Variants in ARHGAP24 observed in about 807,000 individuals in gnomAD.
ARHGAP24 encodes the protein rho GTPase-activating protein 24.
In ARHGAP24, 50 loss-of-function variants were observed where a neutral mutation model predicts 76.4. That is an observed-to-expected ratio of 0.65 (90% CI 0.52 to 0.83). ARHGAP24 has a LOEUF of 0.83. ARHGAP24 is among the 40% of genes least tolerant of loss of function. The probability of loss-of-function intolerance (pLI) is 0.00; values close to 1 mark genes in which losing one functional copy is unlikely to be tolerated. For synonymous variants in ARHGAP24, 345 were observed against 323.3 expected (o/e 1.07, Z -0.72); for missense variants, 930 against 914.2 (o/e 1.02, Z -0.22).
chr4:85,643,636 T>C (rs893284789), intron 2 of ARHGAP24, among the ~76,000 whole-genome samples: 3 of 152,184 alleles, frequency 2.0e-5, no homozygotes, highest in African/African-American at 7.2e-5. Flanking sequence ...TATTATTTAC[T>C]ATTTCTCCCA....
At chr4:85,751,390 T>A (rs972075214) in intron 3 of ARHGAP24, among the ~76,000 whole-genome samples, 1 of 152,174 alleles carries the variant, frequency 6.6e-6, no homozygotes, top group African/African-American at 2.4e-5. Flanking sequence ...TATGTTGACA[T>A]GCTAGCTGAC....
chr4:85,665,804 G>A lies in ARHGAP24; in HGVS notation c.181-56081G>A, dbSNP rs373704862. 2.6e-5 allele frequency among the ~76,000 whole-genome samples: 4 copies of A among 152,008 alleles called. No individual in the cohort carries two copies. In the East Asian group the frequency reaches 5.8e-4, roughly 22 times the overall value. ...TAGTTTGGCTGGATATGAAATTCTG[G>A]GTTGAAAATTCTTTTCTTTAAGAAT... On this transcript the variant is annotated intron_variant, in intron 2 of 9. Transcript: ENST00000395184.
Position 85,592,883 on chromosome 4 carries a change from T to C in ARHGAP24, c.180+22162T>C, listed in dbSNP as rs118031217. On this transcript the variant is annotated intron_variant, in intron 2 of 9. Transcript: ENST00000395184. ...ACCACATTTTCTTTATCTATTCAAC[T>C]GTTGATGGGCACTTAGGTTCCTTCC... 8.5e-5 allele frequency among the ~76,000 whole-genome samples: 13 copies of C among 152,332 alleles called. No individual in the cohort carries two copies. In the East Asian group the frequency reaches 2.5e-3, roughly 29 times the overall value.
chr4:85,561,249 A>G (rs1726585627), intron 1 of ARHGAP24, among the ~76,000 whole-genome samples: 1 of 152,180 alleles, frequency 6.6e-6, no homozygotes, highest in African/African-American at 2.4e-5. Context: ...GTTAACCATG[A>G]TGTCCAGGCA....
intron 3 of ARHGAP24, among the ~76,000 whole-genome samples, chr4:85,856,218 T>C (rs1425183452): frequency 6.6e-6 from 1 of 152,178 alleles, no homozygotes; most frequent in African/African-American, 2.4e-5. Flanking sequence ...ACTAATGATC[T>C]TGGGTATCTA....
At chr4:85,957,537 A>G (rs1737986971) in intron 5 of ARHGAP24, among the ~76,000 whole-genome samples, 1 of 152,152 alleles carries the variant, frequency 6.6e-6, no homozygotes, top group African/African-American at 2.4e-5. Flanking sequence ...GGAGAATTGA[A>G]ATTTAGAAAT....
rs963263002 is a variant in ARHGAP24 at position 85,827,842 on chromosome 4, G to A, written c.269-95806G>A. On this transcript the variant is annotated intron_variant, in intron 3 of 9. Coordinates refer to ENST00000395184, the MANE Select transcript of ARHGAP24 (RefSeq NM_001025616.3). ...ATGGAGTCATGGGAGAAACTGCAGT[G>A]AGCAAACACAGTAGGACCTGAGTTG... The A allele has an allele frequency of 1.3e-5, 15 of 1,167,226 alleles. No homozygotes were observed. The African/African-American group carries it at 2.4e-4, about 18-fold the overall frequency. The allele number at this position is 1,167,226 out of a possible 1,614,324, so 72.3% of individuals were successfully genotyped here.
intron 2 of ARHGAP24, among the ~76,000 whole-genome samples, chr4:85,666,818 T>C (rs1722638652): frequency 6.6e-6 from 1 of 152,178 alleles, no homozygotes. Context: ...CAGATTTTCG[T>C]GAACCGCGAA....
At chr4:85,571,883 A>G (rs1303472438) in intron 2 of ARHGAP24, among the ~76,000 whole-genome samples, 1 of 152,256 alleles carries the variant, frequency 6.6e-6, no homozygotes, top group Non-Finnish European at 1.5e-5. Flanking sequence ...TTAAACAAAC[A>G]GTGGTTTAAT....
At chr4:85,789,735 C>T (rs1419212086) in intron 3 of ARHGAP24, among the ~76,000 whole-genome samples, 1 of 152,194 alleles carries the variant, frequency 6.6e-6, no homozygotes, top group Non-Finnish European at 1.5e-5. Flanking sequence ...CCAACCGTTC[C>T]AGTGCATTCA....
At chr4:85,546,178 C>T (rs1390122010) in intron 1 of ARHGAP24, among the ~76,000 whole-genome samples, 1 of 152,012 alleles carries the variant, frequency 6.6e-6, no homozygotes, top group Non-Finnish European at 1.5e-5. Flanking sequence ...CATGAATTTA[C>T]GTACACACAC....
intron 3 of ARHGAP24, among the ~76,000 whole-genome samples, chr4:85,863,525 G>C (rs1399589059): frequency 6.6e-6 from 1 of 152,032 alleles, no homozygotes; most frequent in Non-Finnish European, 1.5e-5. Flanking sequence ...CATTCTGCCT[G>C]GCAGTCACAG....
intron 4 of ARHGAP24, among the ~76,000 whole-genome samples, chr4:85,941,333 C>T (rs1470848836): frequency 6.6e-6 from 1 of 152,116 alleles, no homozygotes; most frequent in African/African-American, 2.4e-5. Context: ...ATAAATCTAA[C>T]TAAAACTTGG....
intron 3 of ARHGAP24, among the ~76,000 whole-genome samples, chr4:85,820,506 G>A (rs1729422859): frequency 6.6e-6 from 1 of 152,128 alleles, no homozygotes; most frequent in African/African-American, 2.4e-5. Context: ...AGGGAGCAGG[G>A]TAAGGATCTA....
intron 2 of ARHGAP24, among the ~76,000 whole-genome samples, chr4:85,654,361 G>A (rs1336327775): frequency 1.3e-5 from 2 of 152,066 alleles, no homozygotes; most frequent in East Asian, 3.9e-4. Context: ...CTCCTTAAAG[G>A]TTCTATCTCC....
chr4:85,740,292 G>A (rs959710625), intron 3 of ARHGAP24, among the ~76,000 whole-genome samples: 4 of 150,958 alleles, frequency 2.6e-5, no homozygotes, highest in Non-Finnish European at 4.4e-5. Flanking sequence ...CGGTGATCTC[G>A]GCTCACTGCA....
chr4:85,895,460 A>G (rs1049354275), intron 3 of ARHGAP24, among the ~76,000 whole-genome samples: 1 of 152,136 alleles, frequency 6.6e-6, no homozygotes, highest in African/African-American at 2.4e-5. Context: ...GGCACTCATA[A>G]ATGAACATGG....
At chr4:85,586,876 C>A (rs1486004977) in intron 2 of ARHGAP24, among the ~76,000 whole-genome samples, 1 of 151,826 alleles carries the variant, frequency 6.6e-6, no homozygotes, top group Non-Finnish European at 1.5e-5. Context: ...CCAGCCTGGG[C>A]AACAGAGCAA....
At chr4:85,575,537 G>A (rs1327230679) in intron 2 of ARHGAP24, among the ~76,000 whole-genome samples, 1 of 152,150 alleles carries the variant, frequency 6.6e-6, no homozygotes, top group Non-Finnish European at 1.5e-5. Context: ...ATACCTATTA[G>A]AAAGGATTTT....
Sources: gnomAD v4.1 joint callset for allele counts (sites outside exome capture counted in the v4.1 genomes callset) on GRCh38, gnomAD v4.1.1 for gene constraint, MANE v1.5 for transcripts, NCBI Gene and HGNC (gene_info 2026-07-23, HGNC 2026-07-21) for gene names.